Variants in LUC7L observed in about 807,000 individuals in gnomAD.
LUC7L encodes the protein LUC7 like.
Under a neutral mutation model 51.1 loss-of-function variants are expected in LUC7L, and 29 were observed. That is an observed-to-expected ratio of 0.57 (90% CI 0.42 to 0.77). The LOEUF (loss-of-function observed/expected upper bound fraction) is 0.77, where lower values mean the gene tolerates loss of function less well. Ranked by LOEUF, LUC7L falls within the 30% of genes least tolerant of loss-of-function variation. The pLI is 0.00. For synonymous variants in LUC7L, 181 were observed against 180.7 expected, an observed-to-expected ratio of 1.00 and a Z score of -0.01; for missense variants, 403 against 511.9, an observed-to-expected ratio of 0.79 and a Z score of 2.05.
chr16:228,764 T>C (rs932874667), intron 1 of LUC7L: 2 of 1,277,228 alleles, frequency 1.6e-6, no homozygotes, highest in African/African-American at 1.5e-5. Flanking sequence ...AGGGGGCAGC[T>C]GGAAAAGTAC....
intron 5 of LUC7L, among the ~76,000 whole-genome samples, chr16:201,130 C>T (rs1046002341): frequency 4.5e-5 from 6 of 132,902 alleles, no homozygotes; most frequent in African/African-American, 1.7e-4. Context: ...GATCGCACCA[C>T]AGCAATCCAG....
chr16:193,970 A>G (rs1243914828), intron 6 of LUC7L, among the ~76,000 whole-genome samples: 1 of 151,086 alleles, frequency 6.6e-6, no homozygotes, highest in Non-Finnish European at 1.5e-5. Flanking sequence ...CGCCCGGCTA[A>G]TTTTTTGTAT....
intron 4 of LUC7L, among the ~76,000 whole-genome samples, chr16:207,864 C>T (rs529798252): frequency 6.6e-6 from 1 of 152,298 alleles, no homozygotes; most frequent in South Asian, 2.1e-4. Context: ...AAAAAATTAG[C>T]CGGGCATGGT....
intron 4 of LUC7L, 108 bp from the exon 5 acceptor site, chr16:206,255 C>G: frequency 9.2e-7 from 1 of 1,085,256 alleles, no homozygotes; most frequent in Non-Finnish European, 1.4e-6. Flanking sequence ...AGTGGAAGAG[C>G]TAAAGATCCA....
At chr16:198,905 C>T (rs2049239273) in intron 6 of LUC7L, among the ~76,000 whole-genome samples, 157 bp downstream of exon 6, 3 of 152,100 alleles carry the variant, frequency 2.0e-5, no homozygotes, top group African/African-American at 7.2e-5. Context: ...GTCTCGAACT[C>T]CTGACCTCAG....
At position 190,541 on chromosome 16, in the gene LUC7L, C is replaced by T; in HGVS notation, c.806G>A (p.Arg269Lys). ...CATTTTAATGGACCTGGAAACCTAC[C>T]TCCTGCGATCTCTGGTTCTTGATCC... ...RSGSRTRDRR[R>K]SRSRDRRRRR... is the part of the protein sequence containing the mutation. Residue 269 changes from arginine to lysine, a missense_variant and splice_region_variant, in exon 8 of 10, where the codon AGG becomes AAG. Physicochemically the swap from Arg to Lys is conservative, Grantham distance 26. Transcript: ENST00000293872. The T allele has an allele frequency of 6.2e-7, 1 of 1,613,708 alleles. No homozygotes were observed. Among genetic ancestry groups the T allele is most frequent in the Non-Finnish European group, 8.5e-7 (1 of 1,179,964 alleles).
At position 208,192 on chromosome 16, in the gene LUC7L, G is replaced by C. The variant is rs779479129; in HGVS notation, c.256-4C>G. Reference sequence around the variant, plus strand: ...AGGACTCCAAGTGATCCATTGCCTAGCACGGGAAAAGCACAGCGCTATAAT... The same window carrying C: ...AGGACTCCAAGTGATCCATTGCCTACCACGGGAAAAGCACAGCGCTATAAT... On this transcript the variant is annotated splice_polypyrimidine_tract_variant and splice_region_variant and intron_variant, in intron 3 of 9. Transcript: ENST00000293872. 81 of 1,598,190 alleles carry C rather than the reference G, an allele frequency of 5.1e-5. 1 individual carries two copies. The Admixed American group carries it at 1.3e-3, about 26-fold the overall frequency.
At chr16:193,125 G>T in intron 6 of LUC7L, 110 bp from the exon 7 acceptor site, 3 of 861,018 alleles carry the variant, frequency 3.5e-6, no homozygotes, top group Non-Finnish European at 5.8e-6. Context: ...TTTAAAAATT[G>T]AAGGGACACT....
chr16:218,924 C>CAAAAAAAAAAAAAAAAAAAA (rs33981903), intron 3 of LUC7L, among the ~76,000 whole-genome samples: 1 of 38,824 alleles, frequency 2.6e-5, no homozygotes, highest in African/African-American at 1.2e-4. Flanking sequence ...AACCCTGTCT[C>CAAAAAAAAAAAAAAAAAAAA]AAAAAAAAAA....
At position 205,592 on chromosome 16, in the gene LUC7L, G is replaced by A. The variant is rs1036494864; in HGVS notation, c.510+412C>T. ...AGCTAAAACTGCTTGCAAAAACAGC[G>A]TTTATAAATTTTTTTGAGACAGAGT... is the stretch of plus-strand genomic sequence containing the variant. On this transcript the variant is annotated intron_variant, in intron 5 of 9. Coordinates refer to ENST00000293872, the MANE Select transcript of LUC7L (RefSeq NM_201412.3). 3.3e-5 allele frequency among the ~76,000 whole-genome samples: 5 copies of A among 152,008 alleles called. No individual in the cohort carries two copies. The South Asian group carries it at 6.2e-4, about 19-fold the overall frequency.
At chr16:201,846 C>A (rs759374901) in intron 5 of LUC7L, among the ~76,000 whole-genome samples, 6 of 148,810 alleles carry the variant, frequency 4.0e-5, no homozygotes, top group Non-Finnish European at 8.9e-5. Context: ...TGGGTTCAAG[C>A]GATTCTCCTA....
At chr16:214,192 T>C (rs1452041926) in intron 3 of LUC7L, among the ~76,000 whole-genome samples, 1 of 151,778 alleles carries the variant, frequency 6.6e-6, no homozygotes, top group African/African-American at 2.4e-5. Context: ...CTCAGCTTCC[T>C]GAGTAGCTGG....
At chr16:201,818 G>A (rs1040319190) in intron 5 of LUC7L, among the ~76,000 whole-genome samples, 7 of 139,550 alleles carry the variant, frequency 5.0e-5, no homozygotes, top group Admixed American at 2.4e-4. Flanking sequence ...ATCTCTGTTC[G>A]CTGCAACCTC....
intron 3 of LUC7L, among the ~76,000 whole-genome samples, chr16:216,475 T>C (rs1364858920): frequency 1.4e-5 from 2 of 141,568 alleles, no homozygotes; most frequent in Non-Finnish European, 3.0e-5. Context: ...CTCCGCCTCC[T>C]GGGTTCCAGT....
At chr16:195,300 G>C (rs2049119186) in intron 6 of LUC7L, among the ~76,000 whole-genome samples, 1 of 151,856 alleles carries the variant, frequency 6.6e-6, no homozygotes, top group African/African-American at 2.4e-5. Flanking sequence ...CATGCCTGTA[G>C]TCTCTGCTAC....
At chr16:227,618 C>T in intron 1 of LUC7L, 1 of 1,234,532 alleles carries the variant, frequency 8.1e-7, no homozygotes, top group Non-Finnish European at 1.0e-6. Flanking sequence ...ACCAAAAGGC[C>T]ATTGGCTCCA....
At chr16:215,752 G>A (rs1055996061) in intron 3 of LUC7L, among the ~76,000 whole-genome samples, 5 of 152,000 alleles carry the variant, frequency 3.3e-5, no homozygotes, top group African/African-American at 4.8e-5. Flanking sequence ...GCAGTGAGCC[G>A]AGATCATGCC....
chr16:192,805 A>T, intron 7 of LUC7L, 122 bp downstream of exon 7: 1 of 863,774 alleles, frequency 1.2e-6, no homozygotes, highest in Non-Finnish European at 1.9e-6. Context: ...GCCTGGCCTT[A>T]CTATTTTCTT....
At chr16:199,777 AAAGAG>A (rs1444401074) in intron 5 of LUC7L, among the ~76,000 whole-genome samples, 8 of 148,594 alleles carry the variant, frequency 5.4e-5, no homozygotes, top group South Asian at 2.1e-4. Flanking sequence ...AAAAAAAAAA[AAAGAG>A]AGATCGAGAC....
Sources: allele counts gnomAD v4.1 joint callset (sites outside exome capture counted in the v4.1 genomes callset), GRCh38; gene constraint gnomAD v4.1.1; transcripts MANE v1.5; gene names NCBI Gene and HGNC (gene_info 2026-07-23, HGNC 2026-07-21).